Variants in GRID2 observed in about 807,000 individuals in gnomAD.
GRID2 encodes glutamate receptor ionotropic, delta-2.
In GRID2, 33 loss-of-function variants were observed where a neutral mutation model predicts 114.8. The ratio of observed to expected loss-of-function variants is 0.29; its 90% CI spans 0.22 to 0.38. GRID2 has a LOEUF of 0.38. Ranked by LOEUF, GRID2 falls within the 10% of genes least tolerant of loss-of-function variation. GRID2 has a pLI of 1.00. For missense variants in GRID2, 1,184 were observed against 1,257.7 expected, an observed-to-expected ratio of 0.94 and a Z score of 0.89; for synonymous variants, 505 against 449.9, an observed-to-expected ratio of 1.12 and a Z score of -1.55.
At chr4:92,514,337 A>G (rs2149134307) in intron 1 of GRID2, among the ~76,000 whole-genome samples, 1 of 152,002 alleles carries the variant, frequency 6.6e-6, no homozygotes, top group Middle Eastern at 3.4e-3. Context: ...TAAACTTGAG[A>G]TATATGAAAG....
At chr4:92,854,354 C>T (rs1161184426) in intron 2 of GRID2, among the ~76,000 whole-genome samples, 2 of 152,004 alleles carry the variant, frequency 1.3e-5, no homozygotes, top group East Asian at 3.9e-4. Flanking sequence ...TTTTTCCCTT[C>T]TCTGAATTCT....
chr4:93,755,622 A>T (rs935978806), intron 14 of GRID2, among the ~76,000 whole-genome samples: 1 of 152,318 alleles, frequency 6.6e-6, no homozygotes, highest in East Asian at 1.9e-4. Context: ...AATAGTGTTA[A>T]CATATGCCCA....
intron 8 of GRID2, among the ~76,000 whole-genome samples, chr4:93,299,958 C>T (rs1754696314): frequency 2.6e-5 from 4 of 151,990 alleles, no homozygotes; most frequent in Admixed American, 2.0e-4. Flanking sequence ...CTGCAAATAC[C>T]CAAATCTGCA....
chr4:92,566,398 G>A (rs1727338318), intron 1 of GRID2, among the ~76,000 whole-genome samples: 1 of 151,806 alleles, frequency 6.6e-6, no homozygotes, highest in South Asian at 2.1e-4. Flanking sequence ...GAAAAAGGGG[G>A]ACCAGAAAAT....
intron 2 of GRID2, among the ~76,000 whole-genome samples, chr4:92,720,458 G>A (rs1735757800): frequency 6.6e-6 from 1 of 151,486 alleles, no homozygotes; most frequent in Admixed American, 6.6e-5. Flanking sequence ...ACTACCTTTG[G>A]GAATAAAGCT....
chr4:92,340,474 T>C lies in GRID2; in HGVS notation c.88+35730T>C, dbSNP rs533833363. On this transcript the variant is annotated intron_variant, in intron 1 of 15. Transcript: ENST00000282020. ...AATTTCCAGTTCACTCCTGCCACTC[T>C]CAGATGTGCTTCCTGATCTTTGACT... 3.3e-5 allele frequency among the ~76,000 whole-genome samples: 5 copies of C among 152,324 alleles called. No individual in the cohort carries two copies. In the South Asian group the frequency reaches 1.0e-3, roughly 32 times the overall value.
intron 13 of GRID2, among the ~76,000 whole-genome samples, chr4:93,528,414 ATT>A (rs760578146): frequency 1.2e-3 from 164 of 133,528 alleles, no homozygotes; most frequent in African/African-American, 3.3e-3. Flanking sequence ...CAAGAGTTCC[ATT>A]TTTTTTTTTT....
At chr4:93,516,130 T>G (rs983625894) in intron 13 of GRID2, among the ~76,000 whole-genome samples, 1 of 152,138 alleles carries the variant, frequency 6.6e-6, no homozygotes, top group South Asian at 2.1e-4. Flanking sequence ...ATTGTTGACA[T>G]TTAATAAATA....
chr4:92,702,368 A>G (rs1255323066), intron 2 of GRID2: 1 of 151,756 alleles, frequency 6.6e-6, no homozygotes, highest in Non-Finnish European at 1.5e-5. Context: ...ACCTCCTACT[A>G]CTTATATCTA....
intron 2 of GRID2, among the ~76,000 whole-genome samples, chr4:92,595,785 G>T (rs768248625): frequency 2.0e-5 from 3 of 152,110 alleles, no homozygotes; most frequent in Middle Eastern, 6.8e-3. Flanking sequence ...CAGAAAAAGT[G>T]CAAGGAAATA....
chr4:93,545,453 G>T (rs1037944284), intron 13 of GRID2, among the ~76,000 whole-genome samples: 9 of 152,168 alleles, frequency 5.9e-5, no homozygotes, highest in African/African-American at 2.2e-4. Context: ...GCAGGAAGAG[G>T]CCAGTGTTGC....
chr4:93,095,566 T>A (rs906100680), intron 3 of GRID2, among the ~76,000 whole-genome samples: 1 of 151,984 alleles, frequency 6.6e-6, no homozygotes, highest in Admixed American at 6.6e-5. Flanking sequence ...TCCTATGAAA[T>A]CTAAAACTTA....
chr4:93,087,635 G>C (rs1329744825), intron 3 of GRID2, among the ~76,000 whole-genome samples: 2 of 152,090 alleles, frequency 1.3e-5, no homozygotes, highest in Non-Finnish European at 2.9e-5. Flanking sequence ...TGGGTCATTT[G>C]TTAGATCTGA....
intron 13 of GRID2, among the ~76,000 whole-genome samples, chr4:93,587,817 A>G (rs575268290): frequency 6.6e-6 from 1 of 152,232 alleles, no homozygotes; most frequent in East Asian, 1.9e-4. Flanking sequence ...TCAATCACTC[A>G]AAGAAAAGCT....
At chr4:92,949,382 A>G (rs965587449) in intron 2 of GRID2, among the ~76,000 whole-genome samples, 12 of 152,084 alleles carry the variant, frequency 7.9e-5, no homozygotes, top group South Asian at 4.1e-4. Flanking sequence ...ACATATGTAT[A>G]CATGTGCCAT....
At position 92,567,474 on chromosome 4, in the gene GRID2, C is replaced by G. The variant is rs563458022; in HGVS notation, c.89-22657C>G. 2.0e-5 allele frequency among the ~76,000 whole-genome samples: 3 copies of G among 152,000 alleles called. No individual in the cohort carries two copies. In the East Asian group the frequency reaches 5.8e-4, roughly 29 times the overall value. ...TGAACTGTGATGATTTCTGCTGGTTCGTCATATCTTAATTCAAGAAGGATA... is the reference window on the plus strand; with the variant it reads ...TGAACTGTGATGATTTCTGCTGGTTGGTCATATCTTAATTCAAGAAGGATA... On this transcript the variant is annotated intron_variant, in intron 1 of 15. Coordinates refer to ENST00000282020, the MANE Select transcript of GRID2 (RefSeq NM_001510.4).
intron 12 of GRID2, among the ~76,000 whole-genome samples, chr4:93,495,863 TTTTG>T (rs1727483919): frequency 6.6e-6 from 1 of 151,810 alleles, no homozygotes; most frequent in African/African-American, 2.4e-5. Context: ...CCTCAGTTAA[TTTTG>T]TTTAAGATAT....
intron 2 of GRID2, among the ~76,000 whole-genome samples, chr4:92,704,701 A>ATCTCTCTCTCTCTCTCTCTCTT (rs1560542425): frequency 9.9e-4 from 112 of 113,690 alleles, no homozygotes; most frequent in Non-Finnish European, 1.6e-3. Context: ...CAATCAATCA[A>ATCTCTCTCTCTCTCTCTCTCTT]TCTCTCTCTC....
intron 13 of GRID2, among the ~76,000 whole-genome samples, chr4:93,555,702 G>T (rs1295272285): frequency 6.6e-6 from 1 of 152,210 alleles, no homozygotes; most frequent in Non-Finnish European, 1.5e-5. Context: ...AAATGTTCCT[G>T]CCTGCTGGCT....
Sources: allele counts gnomAD v4.1 joint callset (sites outside exome capture counted in the v4.1 genomes callset), GRCh38; gene constraint gnomAD v4.1.1; transcripts MANE v1.5; gene names NCBI Gene and HGNC (gene_info 2026-07-23, HGNC 2026-07-21).